The following TEX22 variants were observed in gnomAD, a reference collection of about 807,000 sequenced individuals.
TEX22 encodes testis-expressed protein 22.
A neutral mutation model predicts 11.3 loss-of-function variants in TEX22; 16 were observed. That is an observed-to-expected ratio of 1.42 (90% CI 0.96 to 2.15). The LOEUF (loss-of-function observed/expected upper bound fraction) is 2.15. TEX22 is among the 30% of genes most tolerant of loss of function. The probability of loss-of-function intolerance (pLI) is 0.00; values close to 1 mark genes in which losing one functional copy is unlikely to be tolerated. For synonymous variants in TEX22, 97 were observed against 92.3 expected, an observed-to-expected ratio of 1.05 and a Z score of -0.29; for missense variants, 220 against 208.6, an observed-to-expected ratio of 1.05 and a Z score of -0.34.
At chr14:105,398,715 CG>C (rs1294052368) in intron 1 of TEX22, 80 bp downstream of exon 1, 5 of 152,484 alleles carry the variant, frequency 3.3e-5, no homozygotes, top group Admixed American at 6.5e-5. Flanking sequence ...GCCCCCCCGC[CG>C]AACCCCAGAG....
At chr14:105,409,491 T>A (rs908970786) in intron 2 of TEX22, among the ~76,000 whole-genome samples, 14 of 148,998 alleles carry the variant, frequency 9.4e-5, no homozygotes, top group Admixed American at 1.3e-4. Flanking sequence ...TATTAAGACT[T>A]CTTCTTCTTC....
intron 2 of TEX22, among the ~76,000 whole-genome samples, chr14:105,410,481 C>T (rs1047083066): frequency 1.3e-5 from 2 of 152,330 alleles, no homozygotes; most frequent in African/African-American, 4.8e-5. Flanking sequence ...TCCACATTTT[C>T]GCTATTGTGA....
intron 2 of TEX22, among the ~76,000 whole-genome samples, chr14:105,410,692 C>T (rs1441408348): frequency 1.2e-4 from 19 of 152,242 alleles, no homozygotes; most frequent in Admixed American, 1.2e-3. Context: ...CCCCTTCCCC[C>T]TGGTGAGGGA....
Position 105,399,442 on chromosome 14 carries a change from G to C in TEX22, c.102G>C (p.Gln34His). ...PPLGLIAAWG[Q>H]PSIQSSVQQG... is the part of the protein sequence containing the mutation. The stretch of plus-strand genomic sequence containing the variant: ...TGGGCCTGATAGCAGCCTGGGGCCA[G>C]CCCAGTATCCAGAGCAGCGTTCAGC... Residue 34 changes from glutamine to histidine, a missense_variant, in exon 2 of 4, where the codon CAG becomes CAC. By Grantham distance (24) the Gln-to-His change is conservative. Transcript: ENST00000451127. 1 of 1,535,798 alleles carries C rather than the reference G, an allele frequency of 6.5e-7. No individual in the cohort carries two copies. The highest frequency in any genetic ancestry group is 8.7e-7 in the Non-Finnish European group (1 of 1,146,788).
At chr14:105,403,875 G>A (rs1322674219) in intron 2 of TEX22, among the ~76,000 whole-genome samples, 1 of 152,208 alleles carries the variant, frequency 6.6e-6, no homozygotes, top group Non-Finnish European at 1.5e-5. Context: ...ATTACAGACA[G>A]GGTCTCACTA....
At chr14:105,402,542 C>CAGAGG (rs2081634628) in intron 2 of TEX22, among the ~76,000 whole-genome samples, 1 of 151,940 alleles carries the variant, frequency 6.6e-6, no homozygotes, top group Non-Finnish European at 1.5e-5. Context: ...ATCACAAGGT[C>CAGAGG]TGGAGATCAA....
At chr14:105,407,827 C>T (rs911819996) in intron 2 of TEX22, among the ~76,000 whole-genome samples, 4 of 140,520 alleles carry the variant, frequency 2.8e-5, no homozygotes, top group Non-Finnish European at 6.0e-5. Context: ...TTGCAGAACC[C>T]TGTGTTATGG....
chr14:105,410,234 C>A (rs782433812), intron 2 of TEX22, among the ~76,000 whole-genome samples: 1 of 152,130 alleles, frequency 6.6e-6, no homozygotes, highest in East Asian at 1.9e-4. Flanking sequence ...TGTGCCACCA[C>A]GCCTGGCTAA....
chr14:105,409,896 T>G (rs2081679917), intron 2 of TEX22, among the ~76,000 whole-genome samples: 1 of 151,720 alleles, frequency 6.6e-6, no homozygotes, highest in African/African-American at 2.4e-5. Flanking sequence ...TGCCTCAGCC[T>G]CCCCAGTAGC....
chr14:105,402,558 T>C (rs781545522), intron 2 of TEX22, among the ~76,000 whole-genome samples: 347 of 151,816 alleles, frequency 2.3e-3, no homozygotes, highest in African/African-American at 4.9e-3. Context: ...ATCAAGACCA[T>C]CCTGGCTAAC....
At position 105,406,351 on chromosome 14, in the gene TEX22, A is replaced by C. The variant is rs140355893; in HGVS notation, c.151-5017A>C. Among the ~76,000 whole-genome samples the C allele has an allele frequency of 2.0e-5, 3 of 152,370 alleles. No individual in the cohort carries two copies. In the East Asian group the frequency reaches 5.8e-4, roughly 29 times the overall value. On this transcript the variant is annotated intron_variant, in intron 2 of 3. Transcript: ENST00000451127. ...ATACTTGTAATATTTATAACATTCA[A>C]ATGTTTACCAACCAGAATCTATGAA...
Position 105,399,421 on chromosome 14 carries a change from C to T in TEX22, c.81C>T (p.Gly27=), listed in dbSNP as rs2081611098. The change falls in exon 2 of 4, where the codon GGC becomes GGT. Residue 27 remains glycine, a synonymous_variant. Transcript: ENST00000451127. ...LSQEHRRPPL[G]LIAAWGQPSI... ...AAGAGCACAGGCGGCCCCCACTGGGCCTGATAGCAGCCTGGGGCCAGCCCA... is the reference window on the plus strand; with the variant it reads ...AAGAGCACAGGCGGCCCCCACTGGGTCTGATAGCAGCCTGGGGCCAGCCCA... 6.5e-7 allele frequency: 1 copy of T among 1,535,834 alleles called. No homozygotes were observed. Among genetic ancestry groups the T allele is most frequent in the East Asian group, 2.4e-5 (1 of 40,910 alleles).
chr14:105,399,340 G>A lies in TEX22; in HGVS notation c.-1G>A, dbSNP rs1478025327. The A allele has an allele frequency of 4.6e-6, 7 of 1,535,206 alleles. No individual in the cohort carries two copies. Among genetic ancestry groups the A allele is most frequent in the African/African-American group, 1.4e-5 (1 of 72,970 alleles). On this transcript the variant is annotated 5_prime_UTR_variant, in exon 2 of 4. Coordinates refer to ENST00000451127, the MANE Select transcript of TEX22 (RefSeq NM_001195082.2). ...GGACAAGCAGCCTACTAGGGCTAGAGATGGACAGCAGGAAACTGTCCCCCC... is the reference window on the plus strand; with the variant it reads ...GGACAAGCAGCCTACTAGGGCTAGAAATGGACAGCAGGAAACTGTCCCCCC...
chr14:105,408,764 A>C (rs2081672295), intron 2 of TEX22, among the ~76,000 whole-genome samples: 1 of 151,854 alleles, frequency 6.6e-6, no homozygotes, highest in Admixed American at 6.6e-5. Context: ...CATTCTGTCC[A>C]TGCCCCACCG....
chr14:105,399,363 C>A lies in TEX22; in HGVS notation c.23C>A (p.Pro8His). Residue 8 changes from proline to histidine, a missense_variant, in exon 2 of 4, where the codon CCC becomes CAC. Physicochemically the swap from Pro to His is moderately conservative, Grantham distance 77 (BLOSUM62 -2). Coordinates refer to ENST00000451127, the MANE Select transcript of TEX22 (RefSeq NM_001195082.2). ...GAGATGGACAGCAGGAAACTGTCCCCCCGGGGGAAGAAGCTGGAGTCGCAC... is the reference window on the plus strand; with the variant it reads ...GAGATGGACAGCAGGAAACTGTCCCACCGGGGGAAGAAGCTGGAGTCGCAC... The part of the protein sequence containing the change: MDSRKLS[P>H]RGKKLESHLS... 1.3e-6 allele frequency: 2 copies of A among 1,535,748 alleles called. No homozygotes were observed. Among genetic ancestry groups the A allele is most frequent in the Non-Finnish European group, 1.7e-6 (2 of 1,146,778 alleles).
chr14:105,408,130 A>T (rs966022347), intron 2 of TEX22, among the ~76,000 whole-genome samples: 3 of 152,126 alleles, frequency 2.0e-5, no homozygotes, highest in Non-Finnish European at 4.4e-5. Context: ...AAACATATAT[A>T]TTTAGAACAG....
At chr14:105,404,069 A>G (rs1413000208) in intron 2 of TEX22, among the ~76,000 whole-genome samples, 1 of 152,222 alleles carries the variant, frequency 6.6e-6, no homozygotes, top group Non-Finnish European at 1.5e-5. Flanking sequence ...GAAATTTGGG[A>G]GCTGCTTAGC....
rs2081695050 is a variant in TEX22 at position 105,411,778 on chromosome 14, G to A, written c.398G>A (p.Ser133Asn). The stretch of plus-strand genomic sequence containing the variant: ...GCCTTCCAGGCCTTCCTGGCGCGCA[G>A]TGCGCCTTTCTGGCATAATGCGACT... Reference protein sequence around the residue: ...TNAFQAFLARSAPFWHNATFE... With the variant: ...TNAFQAFLARNAPFWHNATFE... The change falls in exon 4 of 4, where the codon AGT becomes AAT. Residue 133 changes from serine (S) to asparagine (N), a missense_variant. Transcript: ENST00000451127. 6.7e-6 allele frequency: 10 copies of A among 1,498,900 alleles called. No homozygotes were observed. Among genetic ancestry groups the A allele is most frequent in the Non-Finnish European group, 8.9e-6 (10 of 1,127,210 alleles). 92.9% of individuals were successfully genotyped at this position (1,498,900 alleles called of 1,614,324 possible).
intron 2 of TEX22, among the ~76,000 whole-genome samples, chr14:105,409,797 T>C (rs80170061): frequency 1.6e-4 from 23 of 143,346 alleles, no homozygotes; most frequent in Non-Finnish European, 2.8e-4. Flanking sequence ...TTTTTTTTTT[T>C]CCAGAGTCTT....
Sources: gnomAD v4.1 joint callset for allele counts (sites outside exome capture counted in the v4.1 genomes callset) on GRCh38, gnomAD v4.1.1 for gene constraint, MANE v1.5 for transcripts, NCBI Gene and HGNC (gene_info 2026-07-23, HGNC 2026-07-21) for gene names.